GBE1: variants seen among roughly 807,000 people sequenced by gnomAD.
The protein encoded by GBE1 is 1,4-alpha-glucan branching enzyme 1, also known as 1,4-alpha-glucan-branching enzyme.
A neutral mutation model predicts 88.8 loss-of-function variants in GBE1; 70 were observed. The observed-to-expected ratio is 0.79, with a 90% CI of 0.65 to 0.96. The LOEUF is 0.96. GBE1 is among the 40% of genes least tolerant of loss of function. The probability of loss-of-function intolerance (pLI) is 0.00; values close to 1 mark genes in which losing one functional copy is unlikely to be tolerated. For missense variants in GBE1, 872 were observed against 871.0 expected, an observed-to-expected ratio of 1.00 and a Z score of -0.01; for synonymous variants, 284 against 300.1, an observed-to-expected ratio of 0.95 and a Z score of 0.56.
At chr3:81,706,111 C>G (rs1429211256) in intron 1 of GBE1, among the ~76,000 whole-genome samples, 1 of 152,108 alleles carries the variant, frequency 6.6e-6, no homozygotes, top group Non-Finnish European at 1.5e-5. Flanking sequence ...CACAGCTACT[C>G]GAGGGTGTCT....
At chr3:81,761,097 G>A (rs954411973) in intron 1 of GBE1, among the ~76,000 whole-genome samples, 1 of 152,234 alleles carries the variant, frequency 6.6e-6, no homozygotes, top group South Asian at 2.1e-4. Context: ...GCCACAGCAC[G>A]TACCCTATGG....
chr3:81,718,731 G>A (rs891221182), intron 1 of GBE1, among the ~76,000 whole-genome samples: 2 of 152,020 alleles, frequency 1.3e-5, no homozygotes, highest in Non-Finnish European at 2.9e-5. Context: ...CCGCCTCCTG[G>A]GTTCAAGTGA....
rs149377918 is a variant in GBE1, at chr3:81,630,266, A to T, written c.992+12515T>A. 6.0e-4 allele frequency among the ~76,000 whole-genome samples: 91 copies of T among 152,314 alleles called. 1 individual carries two copies. The East Asian group carries it at 0.014, about 23-fold the overall frequency. ...ACAAACCACTACTCAATGAAATAAA[A>T]GAGGATACAAACAAATGGAAGAACA... On this transcript the variant is annotated intron_variant, in intron 7 of 15. Transcript: ENST00000429644.
intron 3 of GBE1, among the ~76,000 whole-genome samples, chr3:81,658,849 C>T (rs886702595): frequency 6.6e-6 from 1 of 152,202 alleles, no homozygotes; most frequent in African/African-American, 2.4e-5. Context: ...AACGATATCC[C>T]TGAACAAGTG....
chr3:81,581,290 G>C lies in GBE1; in HGVS notation c.1336-15C>G. On this transcript the variant is annotated splice_polypyrimidine_tract_variant and intron_variant, in intron 10 of 15. Coordinates refer to ENST00000429644, the MANE Select transcript of GBE1 (RefSeq NM_000158.4). ...TCTTTAAGTAGCTAGACACAAGAGA[G>C]AAAAATAAGCTTCTGAGTAAAGCAT... 7.3e-7 allele frequency: 1 copy of C among 1,373,694 alleles called. No homozygotes were observed. Among genetic ancestry groups the C allele is most frequent in the Non-Finnish European group, 1.0e-6 (1 of 991,816 alleles). The allele number at this position is 1,373,694 out of a possible 1,614,324, so 85.1% of individuals were successfully genotyped here. A position where few individuals can be genotyped will look rare whatever the true frequency, so the allele number is the denominator to read the frequency against.
At chr3:81,687,856 G>A (rs1316992820) in intron 2 of GBE1, among the ~76,000 whole-genome samples, 2 of 152,146 alleles carry the variant, frequency 1.3e-5, no homozygotes, top group Non-Finnish European at 2.9e-5. Flanking sequence ...ATCGTAGATC[G>A]AGACGCCCCA....
chr3:81,618,046 A>T (rs576153864), intron 7 of GBE1, among the ~76,000 whole-genome samples: 1 of 152,126 alleles, frequency 6.6e-6, no homozygotes, highest in African/African-American at 2.4e-5. Flanking sequence ...CTGCACAGTG[A>T]CATAAGTTAA....
At chr3:81,539,881 A>G (rs1277349270) in intron 12 of GBE1, among the ~76,000 whole-genome samples, 4 of 151,990 alleles carry the variant, frequency 2.6e-5, no homozygotes, top group African/African-American at 7.2e-5. Flanking sequence ...GAAGAACGAT[A>G]AAAATAAGGT....
intron 10 of GBE1, 31 bp from the exon 11 acceptor site, chr3:81,581,306 A>G: frequency 8.5e-7 from 1 of 1,179,964 alleles, no homozygotes; most frequent in Non-Finnish European, 1.2e-6. Flanking sequence ...TAAGCTTCTG[A>G]GTAAAGCATT....
In GBE1 at chr3:81,581,237, GCCCAT is replaced by G; in HGVS notation, c.1369_1373del (p.Met457ArgfsTer13). On this transcript the variant is annotated frameshift_variant, in exon 11 of 16. Transcript: ENST00000429644. LOFTEE classifies it high-confidence loss of function. The stretch of plus-strand genomic sequence containing the variant: ...TGTTTGTGAGCGTGTATACTATATC[GCCCAT>G]GTTCCAGTCTTCATCTTTAAACTCT... 1 of 1,600,244 alleles carries G rather than the reference GCCCAT, an allele frequency of 6.2e-7. No individual in the cohort carries two copies. Among genetic ancestry groups the G allele is most frequent in the South Asian group, 1.1e-5 (1 of 87,586 alleles).
intron 1 of GBE1, among the ~76,000 whole-genome samples, chr3:81,726,927 A>G (rs2107198645): frequency 6.6e-6 from 1 of 152,192 alleles, no homozygotes; most frequent in Admixed American, 6.5e-5. Context: ...AATACCAAGG[A>G]TATGTGTCAG....
At chr3:81,594,689 A>G (rs1703931964) in intron 7 of GBE1, among the ~76,000 whole-genome samples, 1 of 152,104 alleles carries the variant, frequency 6.6e-6, no homozygotes, top group African/African-American at 2.4e-5. Flanking sequence ...GTAATAAAGT[A>G]CAAAGTTTTA....
chr3:81,590,405 C>T (rs557801440), intron 9 of GBE1, among the ~76,000 whole-genome samples: 19 of 152,168 alleles, frequency 1.2e-4, no homozygotes, highest in Non-Finnish European at 2.6e-4. Flanking sequence ...GATTTTAGCA[C>T]TAAATCTAAA....
intron 7 of GBE1, among the ~76,000 whole-genome samples, chr3:81,595,542 C>T (rs981696284): frequency 2.6e-5 from 4 of 151,880 alleles, no homozygotes; most frequent in East Asian, 1.9e-4. Context: ...AAATTGCATA[C>T]AAATAATCCT....
At chr3:81,505,419 G>A (rs780644193) in intron 14 of GBE1, among the ~76,000 whole-genome samples, 5 of 152,166 alleles carry the variant, frequency 3.3e-5, no homozygotes, top group Non-Finnish European at 5.9e-5. Flanking sequence ...GATCTATACA[G>A]CACAGGGCTT....
chr3:81,604,902 T>C (rs921882538), intron 7 of GBE1, among the ~76,000 whole-genome samples: 1 of 152,094 alleles, frequency 6.6e-6, no homozygotes, highest in Non-Finnish European at 1.5e-5. Context: ...CCATAAGAAG[T>C]AAAATCATTA....
At chr3:81,756,947 T>C (rs1706611937) in intron 1 of GBE1, among the ~76,000 whole-genome samples, 1 of 152,194 alleles carries the variant, frequency 6.6e-6, no homozygotes, top group Non-Finnish European at 1.5e-5. Context: ...CAGGAAAAGA[T>C]TCACTTATTT....
chr3:81,710,396 G>A (rs1576208706), intron 1 of GBE1, among the ~76,000 whole-genome samples: 1 of 149,714 alleles, frequency 6.7e-6, no homozygotes, highest in Non-Finnish European at 1.5e-5. Context: ...CACCACGCCC[G>A]GCTTATTTTA....
At chr3:81,741,631 T>C (rs1706349849) in intron 1 of GBE1, among the ~76,000 whole-genome samples, 1 of 151,858 alleles carries the variant, frequency 6.6e-6, no homozygotes, top group South Asian at 2.1e-4. Context: ...TGGGAAAACA[T>C]TCCAACTAAT....
Sources: gnomAD v4.1 joint callset for allele counts (sites outside exome capture counted in the v4.1 genomes callset) on GRCh38, gnomAD v4.1.1 for gene constraint, MANE v1.5 for transcripts, NCBI Gene and HGNC (gene_info 2026-07-23, HGNC 2026-07-21) for gene names.